RIMS1: variants seen among roughly 807,000 people sequenced by gnomAD.
RIMS1 encodes regulating synaptic membrane exocytosis 1.
RIMS1 carries 83 observed loss-of-function variants against 214.1 expected under a neutral mutation model. The observed-to-expected ratio is 0.39, with a 90% CI of 0.32 to 0.47. RIMS1 has a LOEUF of 0.47. Ranked by LOEUF, RIMS1 falls within the 20% of genes least tolerant of loss-of-function variation. The probability of loss-of-function intolerance (pLI) is 0.99; values close to 1 mark genes in which losing one functional copy is unlikely to be tolerated. For missense variants in RIMS1, 2,050 were observed against 2,161.8 expected, an observed-to-expected ratio of 0.95 and a Z score of 1.03; for synonymous variants, 793 against 786.8, an observed-to-expected ratio of 1.01 and a Z score of -0.13.
intron 6 of RIMS1, among the ~76,000 whole-genome samples, chr6:72,222,353 C>T (rs1382552428): frequency 6.6e-6 from 1 of 151,992 alleles, no homozygotes; most frequent in African/African-American, 2.4e-5. Context: ...TTCAGCTACT[C>T]TGTGTGGGGA....
At chr6:72,236,189 T>C (rs189643186) in intron 8 of RIMS1, among the ~76,000 whole-genome samples, 1 of 152,290 alleles carries the variant, frequency 6.6e-6, no homozygotes, top group Non-Finnish European at 1.5e-5. Context: ...TTTGGTGATA[T>C]TCTCTTCATT....
At chr6:72,339,260 T>G (rs1208548387) in intron 29 of RIMS1, among the ~76,000 whole-genome samples, 2 of 151,950 alleles carry the variant, frequency 1.3e-5, no homozygotes, top group East Asian at 3.9e-4. Flanking sequence ...GAGTACTTTT[T>G]TTTCATTTTC....
chr6:72,379,258 G>A (rs1230704161), intron 29 of RIMS1, among the ~76,000 whole-genome samples: 2 of 152,188 alleles, frequency 1.3e-5, no homozygotes, highest in African/African-American at 4.8e-5. Context: ...CTGTTATGGC[G>A]ACTCCTTTAT....
chr6:72,077,032 C>T (rs924939236), intron 2 of RIMS1, among the ~76,000 whole-genome samples: 1 of 152,164 alleles, frequency 6.6e-6, no homozygotes, highest in Admixed American at 6.5e-5. Flanking sequence ...CTCCAATCCC[C>T]ACTCCACTCT....
At chr6:72,145,432 T>C (rs1217879628) in intron 4 of RIMS1, among the ~76,000 whole-genome samples, 1 of 152,058 alleles carries the variant, frequency 6.6e-6, no homozygotes, top group Non-Finnish European at 1.5e-5. Context: ...GTCAACATGG[T>C]GAAAGCCTGT....
At chr6:72,061,254 T>C (rs971208550) in intron 2 of RIMS1, among the ~76,000 whole-genome samples, 1 of 152,174 alleles carries the variant, frequency 6.6e-6, no homozygotes, top group African/African-American at 2.4e-5. Context: ...TACTATCATA[T>C]ACAAACTATA....
intron 3 of RIMS1, among the ~76,000 whole-genome samples, chr6:72,099,572 A>G (rs533602089): frequency 6.6e-6 from 1 of 152,176 alleles, no homozygotes; most frequent in Admixed American, 6.5e-5. Context: ...TCAATATTTT[A>G]ACAATAATTT....
At position 71,961,126 on chromosome 6, in the gene RIMS1, G is replaced by A. The variant is rs532573302; in HGVS notation, c.165-7857G>A. Among the ~76,000 whole-genome samples the A allele has an allele frequency of 1.5e-4, 23 of 152,098 alleles. No homozygotes were observed. In the South Asian group the frequency reaches 4.6e-3, roughly 30 times the overall value. The stretch of plus-strand genomic sequence containing the variant: ...CCTCTAGGAACTGAGTTAGAAATAC[G>A]TGAAGAGGTAGAGAAATAATTTTCA... On this transcript the variant is annotated intron_variant, in intron 1 of 33. Coordinates refer to ENST00000521978, the MANE Select transcript of RIMS1 (RefSeq NM_014989.7).
chr6:72,118,964 T>A (rs1205829481), intron 4 of RIMS1, among the ~76,000 whole-genome samples: 1 of 151,426 alleles, frequency 6.6e-6, no homozygotes, highest in East Asian at 1.9e-4. Flanking sequence ...ATACTGGAAG[T>A]CCTGGCCAGA....
chr6:72,256,820 CT>C (rs2076061590), intron 16 of RIMS1, among the ~76,000 whole-genome samples: 2 of 151,692 alleles, frequency 1.3e-5, no homozygotes, highest in South Asian at 4.1e-4. Flanking sequence ...GAATAACAGA[CT>C]TTTTATACAA....
intron 4 of RIMS1, among the ~76,000 whole-genome samples, chr6:72,166,704 C>T (rs943298157): frequency 9.9e-5 from 7 of 70,568 alleles, no homozygotes; most frequent in Non-Finnish European, 1.3e-4. Flanking sequence ...AATGAGATCC[C>T]GTCTCTATTT....
At chr6:72,109,781 C>G (rs538638160) in intron 4 of RIMS1, among the ~76,000 whole-genome samples, 1 of 152,252 alleles carries the variant, frequency 6.6e-6, no homozygotes, top group Non-Finnish European at 1.5e-5. Flanking sequence ...TTGCCCATGC[C>G]TGTGTCCTGA....
chr6:72,149,708 T>C (rs1488009425), intron 4 of RIMS1, among the ~76,000 whole-genome samples: 2 of 152,186 alleles, frequency 1.3e-5, no homozygotes, highest in African/African-American at 4.8e-5. Context: ...CCTCTGACAA[T>C]CCTGGATGAG....
chr6:72,367,545 A>T (rs2154396877), intron 29 of RIMS1, among the ~76,000 whole-genome samples: 1 of 152,292 alleles, frequency 6.6e-6, no homozygotes, highest in East Asian at 1.9e-4. Context: ...GTGCTTTCAG[A>T]AAAAGTGTGG....
intron 27 of RIMS1, among the ~76,000 whole-genome samples, chr6:72,307,867 A>G (rs1480895818): frequency 6.6e-6 from 1 of 152,198 alleles, no homozygotes; most frequent in Non-Finnish European, 1.5e-5. Context: ...CTTCATTGAA[A>G]TATTAACTTG....
chr6:72,292,659 T>C (rs1260912833), intron 26 of RIMS1, among the ~76,000 whole-genome samples: 1 of 152,138 alleles, frequency 6.6e-6, no homozygotes, highest in Non-Finnish European at 1.5e-5. Context: ...TTTTCTAAAC[T>C]ACCTGAGCTA....
At chr6:72,165,448 C>T (rs895983833) in intron 4 of RIMS1, among the ~76,000 whole-genome samples, 11 of 152,036 alleles carry the variant, frequency 7.2e-5, no homozygotes, top group South Asian at 2.1e-4. Flanking sequence ...TCCTGTGGGT[C>T]GGTTGGTCTA....
chr6:72,376,193 C>T (rs911723970), intron 29 of RIMS1, among the ~76,000 whole-genome samples: 1 of 152,112 alleles, frequency 6.6e-6, no homozygotes. Flanking sequence ...ATGTGAGGAT[C>T]GTAAACCAGT....
intron 24 of RIMS1, among the ~76,000 whole-genome samples, chr6:72,289,241 A>G (rs2092931064): frequency 6.6e-6 from 1 of 152,182 alleles, no homozygotes; most frequent in Admixed American, 6.5e-5. Flanking sequence ...ACGTTTAGAA[A>G]GAGTATCTTG....
Sources: gnomAD v4.1 joint callset for allele counts (sites outside exome capture counted in the v4.1 genomes callset) on GRCh38, gnomAD v4.1.1 for gene constraint, MANE v1.5 for transcripts, NCBI Gene and HGNC (gene_info 2026-07-23, HGNC 2026-07-21) for gene names.